MTR: variants seen among roughly 807,000 people sequenced by gnomAD.
MTR encodes methionine synthase.
Under a neutral mutation model 154.8 loss-of-function variants are expected in MTR, and 84 were observed. That is an observed-to-expected ratio of 0.54 (90% CI 0.45 to 0.65). The LOEUF is 0.65. MTR is among the 30% of genes least tolerant of loss of function. The pLI is 0.00. For missense variants in MTR, 1,275 were observed against 1,570.2 expected (o/e 0.81, Z 3.18); for synonymous variants, 554 against 553.9 (o/e 1.00, Z 0.00).
At chr1:236,873,873 A>C in intron 23 of MTR, 33 bp downstream of exon 23, 1 of 1,586,444 alleles carries the variant, frequency 6.3e-7, no homozygotes, top group Non-Finnish European at 8.7e-7. Flanking sequence ...GCATTTCTCT[A>C]AATGTCATAT....
chr1:236,823,443 C>T (rs1188755933), intron 8 of MTR, among the ~76,000 whole-genome samples: 1 of 152,172 alleles, frequency 6.6e-6, no homozygotes, highest in African/African-American at 2.4e-5. Flanking sequence ...AAACTGCAGA[C>T]TTTATTCAGA....
At chr1:236,819,994 G>A (rs1474791483) in intron 8 of MTR, 2 of 1,123,134 alleles carry the variant, frequency 1.8e-6, no homozygotes, top group African/African-American at 1.5e-5. Context: ...CGGGAGCCAT[G>A]GCTTCTTGTG....
intron 8 of MTR, among the ~76,000 whole-genome samples, chr1:236,822,390 G>C (rs1662020609): frequency 6.7e-6 from 1 of 148,928 alleles, no homozygotes; most frequent in African/African-American, 2.5e-5. Context: ...GCTCACTGCA[G>C]CCTCAACCTC....
intron 1 of MTR, among the ~76,000 whole-genome samples, chr1:236,796,064 A>AT (rs1660368385): frequency 6.6e-6 from 1 of 151,952 alleles, no homozygotes; most frequent in Admixed American, 6.5e-5. Context: ...GCCCTCTGGA[A>AT]GTTTTTTTTT....
rs376620362 is a variant in MTR at position 236,812,903 on chromosome 1, A to G, written c.609+59A>G. 106 of 1,244,870 alleles carry G rather than the reference A, an allele frequency of 8.5e-5. No individual in the cohort carries two copies. The East Asian group carries it at 1.3e-3, about 16-fold the overall frequency. 77.1% of individuals were successfully genotyped at this position (1,244,870 alleles called of 1,614,324 possible). On this transcript the variant is annotated intron_variant, in intron 6 of 32. Transcript: ENST00000366577. ...GGTAAGGGCTGTGGGTGAGTCCCCTAATGTAGGGAGAAGATAATATTAGCC... is the reference window on the plus strand; with the variant it reads ...GGTAAGGGCTGTGGGTGAGTCCCCTGATGTAGGGAGAAGATAATATTAGCC...
intron 22 of MTR, among the ~76,000 whole-genome samples, chr1:236,872,000 C>G (rs1665161769): frequency 6.6e-6 from 1 of 151,970 alleles, no homozygotes; most frequent in South Asian, 2.1e-4. Context: ...CTTTTTTGTT[C>G]TTGTTATTTA....
intron 16 of MTR, among the ~76,000 whole-genome samples, chr1:236,851,179 G>A (rs1364051787): frequency 6.6e-6 from 1 of 152,198 alleles, no homozygotes. Context: ...TTACCCATAT[G>A]CAGAGTGGTG....
chr1:236,893,889 C>G lies in MTR; in HGVS notation c.3205-468C>G, dbSNP rs59221825. ...CACATGGCCTGGGCATCGCTGACCCCAACAGTTTGTTGTTTGAGCTGCTGC... is the reference window on the plus strand; with the variant it reads ...CACATGGCCTGGGCATCGCTGACCCGAACAGTTTGTTGTTTGAGCTGCTGC... On this transcript the variant is annotated intron_variant, in intron 29 of 32. Transcript: ENST00000366577. Among the ~76,000 whole-genome samples the G allele has an allele frequency of 0.35, 53,049 of 151,988 alleles. 10,034 individuals carry two copies. The highest frequency in any genetic ancestry group is 0.44 in the East Asian group (2,253 of 5,162).
chr1:236,851,092 G>T (rs1277828034), intron 16 of MTR, among the ~76,000 whole-genome samples: 1 of 152,062 alleles, frequency 6.6e-6, no homozygotes, highest in African/African-American at 2.4e-5. Context: ...TTTTATATTT[G>T]CAAATTCATG....
At chr1:236,890,416 T>C (rs1245308506) in intron 28 of MTR, among the ~76,000 whole-genome samples, 1 of 152,060 alleles carries the variant, frequency 6.6e-6, no homozygotes, top group African/African-American at 2.4e-5. Flanking sequence ...CATGTGAGGA[T>C]TTGGGCCACA....
chr1:236,850,647 T>A, intron 16 of MTR, 124 bp downstream of exon 16: 1 of 997,154 alleles, frequency 1.0e-6, no homozygotes. Flanking sequence ...GTTAGTAAAT[T>A]GTTTTTCTGA....
chr1:236,859,716 C>G, intron 18 of MTR, 117 bp from the exon 19 acceptor site: 1 of 782,502 alleles, frequency 1.3e-6, no homozygotes, highest in Non-Finnish European at 2.2e-6. Context: ...CTACTAGGGG[C>G]TGGAAAAGTA....
rs1407165754 is a variant in MTR at position 236,850,491 on chromosome 1, A to G, written c.1663A>G (p.Ile555Val). The G allele has an allele frequency of 2.5e-6, 4 of 1,613,736 alleles. No homozygotes were observed. The East Asian group carries it at 6.7e-5, about 27-fold the overall frequency. Residue 555 changes from isoleucine (I) to valine (V), a missense_variant, in exon 16 of 33, where the codon ATT (isoleucine) becomes GTT (valine). Ile to Val is a conservative substitution (Grantham distance 29, BLOSUM62 3). Coordinates refer to ENST00000366577, the MANE Select transcript of MTR (RefSeq NM_000254.3). ...AATGGAGGAACACAACTTGTATGCC[A>G]TTAATTTTATCCATGCAACAAAAGT... ...TGMEEHNLYA[I>V]NFIHATKVIK...
rs10802565 is a variant in MTR at position 236,860,814 on chromosome 1, C to G, written c.2044-311C>G. On this transcript the variant is annotated intron_variant, in intron 19 of 32. Transcript: ENST00000366577. ...CATATAAAATTGTATGTATTTACTG[C>G]ATACAACATTCTGTTTTGGAAGTGT... Among the ~76,000 whole-genome samples, 97,695 of 152,084 alleles carry G rather than the reference C, an allele frequency of 0.64. 31,622 individuals carry two copies. The highest frequency in any genetic ancestry group is 0.7 in the South Asian group (3,396 of 4,824).
At position 236,861,182 on chromosome 1, in the gene MTR, T is replaced by A. The variant is rs770312323; in HGVS notation, c.2101T>A (p.Tyr701Asn). 17 of 1,601,814 alleles carry A rather than the reference T, an allele frequency of 1.1e-5. No homozygotes were observed. The highest frequency in any genetic ancestry group is 2.8e-5 in the African/African-American group (2 of 70,940). ...GGAAGCCAGGTTAAACCAAAAAAAA[T>A]ATCCCCGACCTCTCAATATAATTGA... is the stretch of plus-strand genomic sequence containing the variant. The part of the protein sequence containing the change: ...TEEARLNQKK[Y>N]PRPLNIIEGP... The change falls in exon 20 of 33, where the codon TAT becomes AAT. Residue 701 changes from tyrosine (Y) to asparagine (N), a missense_variant. Physicochemically the swap from Tyr to Asn is moderately radical, Grantham distance 143 (BLOSUM62 -2). Coordinates refer to ENST00000366577, the MANE Select transcript of MTR (RefSeq NM_000254.3).
intron 8 of MTR, chr1:236,820,538 T>G: frequency 1.4e-6 from 1 of 739,348 alleles, no homozygotes; most frequent in South Asian, 1.5e-5. Flanking sequence ...TTACCTGGGC[T>G]GTTAAGTAAC....
intron 8 of MTR, among the ~76,000 whole-genome samples, chr1:236,822,655 G>A (rs1388747993): frequency 6.6e-6 from 1 of 152,132 alleles, no homozygotes; most frequent in Non-Finnish European, 1.5e-5. Flanking sequence ...TGGTATATAA[G>A]TAAACAATTG....
Position 236,862,285 on chromosome 1 carries a change from CTTT to C in MTR, c.2247_2249del (p.Phe750del). The C allele has an allele frequency of 6.2e-7, 1 of 1,613,982 alleles. No individual in the cohort carries two copies. The highest frequency in any genetic ancestry group is 8.5e-7 in the Non-Finnish European group (1 of 1,179,912). The stretch of plus-strand genomic sequence containing the variant: ...AAGAAGGCTGTTGGCCACCTTATCC[CTTT>C]CATGGAAAAAGAAAGAGAAGAAACC... On this transcript the variant is annotated inframe_deletion, in exon 21 of 33. Coordinates refer to ENST00000366577, the MANE Select transcript of MTR (RefSeq NM_000254.3).
Position 236,806,188 on chromosome 1 carries a change from T to G in MTR, c.294T>G (p.Phe98Leu). Residue 98 changes from phenylalanine (F) to leucine (L), a missense_variant, in exon 3 of 33, where the codon TTT becomes TTG. By Grantham distance (22) the Phe-to-Leu change is conservative (BLOSUM62 0). Transcript: ENST00000366577. ...AGADIIETNTFSSTSIAQADY... is the reference protein window; with the variant it reads ...AGADIIETNTLSSTSIAQADY... The stretch of plus-strand genomic sequence containing the variant: ...CAGATATCATTGAAACAAATACTTT[T>G]AGCAGCACTAGTATTGCCCAAGCTG... 6.2e-7 allele frequency: 1 copy of G among 1,614,170 alleles called. No individual in the cohort carries two copies. The highest frequency in any genetic ancestry group is 8.5e-7 in the Non-Finnish European group (1 of 1,180,024).
Sources: gnomAD v4.1 joint callset for allele counts (sites outside exome capture counted in the v4.1 genomes callset) on GRCh38, gnomAD v4.1.1 for gene constraint, MANE v1.5 for transcripts, NCBI Gene and HGNC (gene_info 2026-07-23, HGNC 2026-07-21) for gene names.